RAB3IL1: variants seen among roughly 807,000 people sequenced by gnomAD.
RAB3IL1 encodes RAB3A interacting protein like 1.
RAB3IL1 carries 37 observed loss-of-function variants against 49.2 expected under a neutral mutation model. The observed-to-expected ratio is 0.75, with a 90% CI of 0.58 to 0.99. The LOEUF is 0.99. RAB3IL1 is among the 50% of genes least tolerant of loss of function. The pLI is 0.00. For synonymous variants in RAB3IL1, 193 were observed against 213.9 expected, an observed-to-expected ratio of 0.90 and a Z score of 0.85; for missense variants, 484 against 513.0, an observed-to-expected ratio of 0.94 and a Z score of 0.55.
chr11:61,905,044 G>C (rs1939117138), intron 5 of RAB3IL1, among the ~76,000 whole-genome samples, 162 bp from the exon 6 acceptor site: 1 of 152,232 alleles, frequency 6.6e-6, no homozygotes, highest in African/African-American at 2.4e-5. Flanking sequence ...TCCAGCAGCA[G>C]CAGAGCTCCC....
At chr11:61,919,624 A>ACCT (rs1939844621), upstream of RAB3IL1, among the ~76,000 whole-genome samples, 1 of 152,166 alleles carries the variant, frequency 6.6e-6, no homozygotes, top group African/African-American at 2.4e-5. Context: ...GTTCCTGAGC[A>ACCT]CATGCTAGGT....
At chr11:61,915,214 A>C (rs1454468773) in intron 1 of RAB3IL1, among the ~76,000 whole-genome samples, 1 of 152,162 alleles carries the variant, frequency 6.6e-6, no homozygotes, top group Non-Finnish European at 1.5e-5. Context: ...GCAGGGGTGC[A>C]TGCAGGAAGT....
chr11:61,920,125 C>A, upstream of RAB3IL1: 1 of 1,351,666 alleles, frequency 7.4e-7, no homozygotes, highest in Non-Finnish European at 9.6e-7. Flanking sequence ...AGTCCCTGCA[C>A]TCATGGCCAG....
the RAB3IL1 span, among the ~76,000 whole-genome samples, chr11:61,930,659 T>C: frequency 3.3e-5 from 5 of 152,146 alleles, no homozygotes; most frequent in Non-Finnish European, 5.9e-5. Context: ...AGGCCTGTAG[T>C]CCCAGCTACT....
chr11:61,933,412 A>AAATGAATTCTCACCTG, the RAB3IL1 span, among the ~76,000 whole-genome samples: 1 of 151,672 alleles, frequency 6.6e-6, no homozygotes, highest in Non-Finnish European at 1.5e-5. Flanking sequence ...AAGAGACAAG[A>AAATGAATTCTCACCTG]GAGCCTCCAG....
intron 5 of RAB3IL1, among the ~76,000 whole-genome samples, chr11:61,905,865 G>A (rs1286293632): frequency 6.6e-6 from 1 of 152,178 alleles, no homozygotes; most frequent in Non-Finnish European, 1.5e-5. Context: ...TGAGAAAGCT[G>A]AGGTGCTGAC....
the RAB3IL1 span, among the ~76,000 whole-genome samples, chr11:61,936,868 A>C: frequency 6.6e-6 from 1 of 152,204 alleles, no homozygotes; most frequent in Non-Finnish European, 1.5e-5. Context: ...TCAGAAAAAA[A>C]AGGAGAACTC....
the RAB3IL1 span, among the ~76,000 whole-genome samples, chr11:61,946,173 G>C: frequency 3.3e-5 from 5 of 152,212 alleles, no homozygotes; most frequent in African/African-American, 1.2e-4. Context: ...ACTGGCCCAA[G>C]AGAGGGGTGT....
the RAB3IL1 span, among the ~76,000 whole-genome samples, chr11:61,927,075 C>A: frequency 6.6e-6 from 1 of 152,034 alleles, no homozygotes; most frequent in Non-Finnish European, 1.5e-5. Flanking sequence ...AACTCCTGAC[C>A]TCAGATGATC....
upstream of RAB3IL1, chr11:61,917,630 T>G (rs1410170917): frequency 1.0e-6 from 1 of 970,132 alleles, no homozygotes. Context: ...GGCCCGGCGC[T>G]GGGATCCGGC....
chr11:61,942,962 C>A, the RAB3IL1 span, among the ~76,000 whole-genome samples: 2 of 152,126 alleles, frequency 1.3e-5, no homozygotes, highest in African/African-American at 4.8e-5. Flanking sequence ...AGTGTAATCC[C>A]CATCAAAATT....
intron 1 of RAB3IL1, among the ~76,000 whole-genome samples, chr11:61,910,832 T>C (rs1234019466): frequency 6.6e-6 from 1 of 152,198 alleles, no homozygotes; most frequent in Non-Finnish European, 1.5e-5. Flanking sequence ...AGGATGGCCA[T>C]AGTCACTCAG....
chr11:61,933,470 A>G, the RAB3IL1 span, among the ~76,000 whole-genome samples: 13 of 152,290 alleles, frequency 8.5e-5, no homozygotes, highest in Admixed American at 7.2e-4. Flanking sequence ...AGTAATACTG[A>G]TTTTGGACAT....
rs758096459 is a variant in RAB3IL1 at position 61,906,565 on chromosome 11, T to C, written c.558A>G (p.Arg186=). The change falls in exon 5 of 10, where the codon CGA becomes CGG. Residue 186 remains arginine, a synonymous_variant. Transcript: ENST00000394836. This position sits in a 1 kb window ranked among gnomAD's most constrained non-coding sequence, Gnocchi z 4.6. ...TGCTCTTGTGGCGAGAGTGGCCCTT[T>C]CGGGGCCCGGCCTTGGTGGGGCTCA... is the stretch of plus-strand genomic sequence containing the variant. The part of the protein sequence containing the change: ...QLLSPTKAGP[R]KGHSRHKSTS... 1.1e-5 allele frequency: 17 copies of C among 1,595,254 alleles called. No homozygotes were observed. The highest frequency in any genetic ancestry group is 1.5e-5 in the Non-Finnish European group (17 of 1,171,434).
the RAB3IL1 span, among the ~76,000 whole-genome samples, chr11:61,934,352 A>ACACACACAC: frequency 1.1e-5 from 1 of 90,510 alleles, no homozygotes; most frequent in Non-Finnish European, 2.5e-5. Context: ...ACACACACAC[A>ACACACACAC]TATGTATATA....
the RAB3IL1 span, among the ~76,000 whole-genome samples, chr11:61,944,220 CTCCT>C: frequency 0.15 from 5,414 of 37,026 alleles, 285 homozygotes; most frequent in African/African-American, 0.18. Context: ...CCTTCCTTCC[CTCCT>C]TCCTTCCTTC....
the RAB3IL1 span, among the ~76,000 whole-genome samples, chr11:61,937,670 A>C: frequency 6.6e-6 from 1 of 152,148 alleles, no homozygotes; most frequent in Non-Finnish European, 1.5e-5. Flanking sequence ...GAATCAAAAG[A>C]AAAAAAGAGA....
chr11:61,917,903 A>G (rs1939780218), upstream of RAB3IL1, among the ~76,000 whole-genome samples: 1 of 150,660 alleles, frequency 6.6e-6, no homozygotes, highest in African/African-American at 2.4e-5. Flanking sequence ...CCCCCTCCTC[A>G]CCCGGCCCTC....
chr11:61,905,176 C>T (rs1939123027), intron 5 of RAB3IL1, among the ~76,000 whole-genome samples: 1 of 152,190 alleles, frequency 6.6e-6, no homozygotes, highest in Non-Finnish European at 1.5e-5. Context: ...ACCCTCAGTG[C>T]CTCCTTGAGG....
Sources: allele counts gnomAD v4.1 joint callset (sites outside exome capture counted in the v4.1 genomes callset), GRCh38; gene constraint gnomAD v4.1.1; non-coding constraint Gnocchi (gnomAD v3.1); transcripts MANE v1.5; gene names NCBI Gene and HGNC (gene_info 2026-07-23, HGNC 2026-07-21).